Variants in TMEM38A observed in about 807,000 individuals in gnomAD.
TMEM38A encodes the protein transmembrane protein 38A.
TMEM38A carries 17 observed loss-of-function variants against 28.6 expected under a neutral mutation model. The observed-to-expected ratio is 0.60, with a 90% confidence interval of 0.41 to 0.89. The LOEUF is 0.89. Among genes scored for constraint, TMEM38A ranks in the 40% least tolerant of loss-of-function variants. The pLI is 0.00. For synonymous variants in TMEM38A, 169 were observed against 166.1 expected (o/e 1.02, Z -0.14); for missense variants, 328 against 393.1 (o/e 0.83, Z 1.40).
intron 4 of TMEM38A, among the ~76,000 whole-genome samples, chr19:16,684,667 G>A (rs1343374338): frequency 2.0e-5 from 3 of 152,172 alleles, no homozygotes; most frequent in Admixed American, 6.6e-5. Context: ...TCATCCTGAT[G>A]TTCCATGATT....
chr19:16,669,204 T>A (rs2086716279), intron 1 of TMEM38A, among the ~76,000 whole-genome samples: 1 of 151,378 alleles, frequency 6.6e-6, no homozygotes, highest in Non-Finnish European at 1.5e-5. Flanking sequence ...TTGGTTGCAG[T>A]TTTAACTTTT....
chr19:16,674,232 A>G (rs1437400788), intron 1 of TMEM38A, among the ~76,000 whole-genome samples: 3 of 151,716 alleles, frequency 2.0e-5, no homozygotes, highest in Non-Finnish European at 4.4e-5. Context: ...TAAAACTACA[A>G]AACTTAGCTA....
At chr19:16,674,255 G>A (rs1322751944) in intron 1 of TMEM38A, among the ~76,000 whole-genome samples, 1 of 151,162 alleles carries the variant, frequency 6.6e-6, no homozygotes, top group Admixed American at 6.6e-5. Context: ...CGTGGTGGCA[G>A]GTGCCTGTAA....
At chr19:16,683,136 G>C (rs922129721) in intron 4 of TMEM38A, among the ~76,000 whole-genome samples, 13 of 152,166 alleles carry the variant, frequency 8.5e-5, no homozygotes, top group African/African-American at 3.1e-4. Context: ...ACCATGCCCG[G>C]CTAATTTTTG....
chr19:16,665,472 AG>A (rs1376477539), intron 1 of TMEM38A, among the ~76,000 whole-genome samples: 2 of 151,464 alleles, frequency 1.3e-5, no homozygotes, highest in African/African-American at 4.9e-5. Flanking sequence ...CCTGGGCAAC[AG>A]AGTGAGACCC....
chr19:16,663,040 G>A lies in TMEM38A; in HGVS notation c.124+1699G>A, dbSNP rs538247837. On this transcript the variant is annotated intron_variant, in intron 1 of 5. Transcript: ENST00000187762. ...TCACGCCTGTAATCCCAGCACTTTG[G>A]GAGGCCAAGACGGGCAGATCGCCTG... Among the ~76,000 whole-genome samples the A allele has an allele frequency of 9.9e-5, 15 of 152,012 alleles. No homozygotes were observed. The South Asian group carries it at 2.9e-3, about 30-fold the overall frequency.
chr19:16,670,490 G>A (rs894937464), intron 1 of TMEM38A, among the ~76,000 whole-genome samples: 7 of 151,986 alleles, frequency 4.6e-5, no homozygotes, highest in Non-Finnish European at 1.0e-4. Context: ...TCCACCCACA[G>A]GTACTTTCCA....
At chr19:16,665,586 A>G (rs1023737412) in intron 1 of TMEM38A, among the ~76,000 whole-genome samples, 2 of 152,176 alleles carry the variant, frequency 1.3e-5, no homozygotes, top group African/African-American at 4.8e-5. Context: ...TTTCACCACC[A>G]TGAGCTTCAG....
chr19:16,682,174 T>G (rs1011031886), intron 3 of TMEM38A, among the ~76,000 whole-genome samples: 1 of 152,094 alleles, frequency 6.6e-6, no homozygotes, highest in Non-Finnish European at 1.5e-5. Flanking sequence ...AGACCTGCCT[T>G]GCAGGTGGGG....
chr19:16,664,556 C>T (rs1267683491), intron 1 of TMEM38A, among the ~76,000 whole-genome samples: 1 of 152,112 alleles, frequency 6.6e-6, no homozygotes, highest in African/African-American at 2.4e-5. Context: ...ATTTGCCAGG[C>T]CGATACAAAG....
intron 1 of TMEM38A, among the ~76,000 whole-genome samples, chr19:16,664,301 C>T (rs1016839525): frequency 2.6e-5 from 4 of 152,032 alleles, no homozygotes; most frequent in African/African-American, 9.7e-5. Flanking sequence ...CCTGTAATCC[C>T]AGGTACTTGG....
chr19:16,664,258 A>C (rs989155775), intron 1 of TMEM38A, among the ~76,000 whole-genome samples: 4 of 126,230 alleles, frequency 3.2e-5, no homozygotes, highest in South Asian at 2.2e-4. Context: ...TCCACTACAA[A>C]TGCAAAAAAA....
chr19:16,670,818 A>G (rs1284272112), intron 1 of TMEM38A, among the ~76,000 whole-genome samples: 1 of 152,126 alleles, frequency 6.6e-6, no homozygotes, highest in African/African-American at 2.4e-5. Context: ...GGGTGCCTGT[A>G]ATCCCAGGTA....
chr19:16,669,969 T>G (rs1480996122), intron 1 of TMEM38A, among the ~76,000 whole-genome samples: 1 of 151,824 alleles, frequency 6.6e-6, no homozygotes, highest in African/African-American at 2.4e-5. Flanking sequence ...TATTTTTATT[T>G]TATTATTTTA....
chr19:16,679,782 A>C (rs1293313332), intron 1 of TMEM38A, among the ~76,000 whole-genome samples: 2 of 151,832 alleles, frequency 1.3e-5, no homozygotes, highest in African/African-American at 4.8e-5. Context: ...GAAGGAAAGG[A>C]CTCCCACTCG....
At chr19:16,674,314 G>T (rs1331301423) in intron 1 of TMEM38A, among the ~76,000 whole-genome samples, 1 of 149,596 alleles carries the variant, frequency 6.7e-6, no homozygotes, top group Non-Finnish European at 1.5e-5. Context: ...GAACCTAGGA[G>T]GAGGCGGAGA....
In TMEM38A at chr19:16,680,018, G is replaced by A. The variant is rs142123915; in HGVS notation, c.159G>A (p.Ala53=). 69 of 1,609,942 alleles carry A rather than the reference G, an allele frequency of 4.3e-5. No homozygotes were observed. The highest frequency in any genetic ancestry group is 1.1e-4 in the East Asian group (5 of 44,868). ...AVELSRRHPI[A]SWLCAMLHCF... ...AACTGTCCCGGCGCCACCCCATCGCGTCCTGGCTGTGCGCCATGCTGCATT... is the reference window on the plus strand; with the variant it reads ...AACTGTCCCGGCGCCACCCCATCGCATCCTGGCTGTGCGCCATGCTGCATT... Residue 53 remains alanine (A), a synonymous_variant, in exon 2 of 6, where the codon GCG becomes GCA. Transcript: ENST00000187762.
chr19:16,668,070 G>A (rs537109092), intron 1 of TMEM38A, among the ~76,000 whole-genome samples: 13 of 151,562 alleles, frequency 8.6e-5, no homozygotes, highest in South Asian at 2.1e-4. Context: ...TTAGCCAGGC[G>A]TGATGGCGGG....
In TMEM38A at chr19:16,688,179, C is replaced by T. The variant is rs2086809328; in HGVS notation, c.708C>T (p.Pro236=). The change falls in exon 6 of 6, where the codon CCC becomes CCT. Residue 236 remains proline (P), a synonymous_variant. Coordinates refer to ENST00000187762, the MANE Select transcript of TMEM38A (RefSeq NM_024074.4). The stretch of plus-strand genomic sequence containing the variant: ...CAGCCACCCACTCACACAGCTCCCC[C>T]TTTGATGCCCTGGAGGGCTACATCT... ...FLTATHSHSS[P]FDALEGYICP... is the part of the protein sequence containing the mutation. 4.7e-6 allele frequency: 7 copies of T among 1,474,342 alleles called. No homozygotes were observed. Among genetic ancestry groups the T allele is most frequent in the South Asian group, 4.2e-5 (3 of 71,452 alleles). 91.3% of individuals were successfully genotyped at this position (1,474,342 alleles called of 1,614,324 possible).
Sources: gnomAD v4.1 joint callset for allele counts (sites outside exome capture counted in the v4.1 genomes callset) on GRCh38, gnomAD v4.1.1 for gene constraint, MANE v1.5 for transcripts, NCBI Gene and HGNC (gene_info 2026-07-23, HGNC 2026-07-21) for gene names.